The following LYN variants were observed in gnomAD, a reference collection of about 807,000 sequenced individuals.
The protein encoded by LYN is LYN proto-oncogene, Src family tyrosine kinase.
Under a neutral mutation model 65.0 loss-of-function variants are expected in LYN, and 12 were observed. The observed-to-expected ratio is 0.18, with a 90% CI of 0.12 to 0.30. The LOEUF is 0.30. Among genes scored for constraint, LYN ranks in the 10% least tolerant of loss-of-function variants. LYN has a pLI of 1.00. For missense variants in LYN, 380 were observed against 623.2 expected (o/e 0.61, Z 4.16); for synonymous variants, 222 against 221.2 (o/e 1.00, Z -0.03).
chr8:55,971,193 G>A (rs1224924001), intron 10 of LYN, among the ~76,000 whole-genome samples: 1 of 152,190 alleles, frequency 6.6e-6, no homozygotes, highest in African/African-American at 2.4e-5. Context: ...GGAACAGAGG[G>A]GCAAGGAAAG....
intron 10 of LYN, among the ~76,000 whole-genome samples, chr8:55,993,125 A>C (rs896159595): frequency 5.3e-5 from 8 of 152,100 alleles, no homozygotes; most frequent in African/African-American, 1.9e-4. Context: ...TTCTTTCCTC[A>C]TGTTTAATTT....
chr8:55,940,028 A>G (rs890957153), intron 1 of LYN, among the ~76,000 whole-genome samples: 3 of 152,182 alleles, frequency 2.0e-5, no homozygotes, highest in East Asian at 3.9e-4. Context: ...TCCTAGACCA[A>G]TTGGAAGCCT....
At chr8:55,882,508 T>G (rs1804678888) in intron 1 of LYN, among the ~76,000 whole-genome samples, 1 of 152,236 alleles carries the variant, frequency 6.6e-6, no homozygotes, top group African/African-American at 2.4e-5. Flanking sequence ...CATGTATACA[T>G]GCCCACAGCA....
At chr8:55,899,509 T>A (rs1272384362) in intron 1 of LYN, among the ~76,000 whole-genome samples, 2 of 152,350 alleles carry the variant, frequency 1.3e-5, no homozygotes, top group East Asian at 3.9e-4. Context: ...AAATGTATAA[T>A]AAATATAATG....
Position 55,896,594 on chromosome 8 carries a change from T to G in LYN, c.-6+16491T>G, listed in dbSNP as rs540457877. On this transcript the variant is annotated intron_variant, in intron 1 of 12. Coordinates refer to ENST00000519728, the MANE Select transcript of LYN (RefSeq NM_002350.4). ...GGGTACAGCAAACCACCATGGCTCA[T>G]GTATACCTATGTAACAAACCTGCAT... is the stretch of plus-strand genomic sequence containing the variant. Among the ~76,000 whole-genome samples the G allele has an allele frequency of 2.6e-4, 39 of 152,236 alleles. No homozygotes were observed. The East Asian group carries it at 4.4e-3, about 17-fold the overall frequency.
intron 1 of LYN, among the ~76,000 whole-genome samples, chr8:55,904,955 C>T (rs557699581): frequency 3.0e-4 from 46 of 152,236 alleles, no homozygotes; most frequent in African/African-American, 1.1e-3. Context: ...AGCATTTAAA[C>T]CTCCCCATGC....
intron 1 of LYN, among the ~76,000 whole-genome samples, chr8:55,890,994 GC>G (rs968620155): frequency 4.0e-5 from 6 of 151,678 alleles, no homozygotes; most frequent in Admixed American, 2.6e-4. Context: ...CTCCCAAAGT[GC>G]TGGGATTGCA....
intron 1 of LYN, among the ~76,000 whole-genome samples, chr8:55,940,683 T>C (rs1205080166): frequency 6.6e-6 from 1 of 152,332 alleles, no homozygotes; most frequent in African/African-American, 2.4e-5. Flanking sequence ...TGTTTTGTTT[T>C]TAATGCATAG....
chr8:55,986,192 C>CCA (rs1563324748), intron 10 of LYN, among the ~76,000 whole-genome samples: 18 of 150,578 alleles, frequency 1.2e-4, no homozygotes, highest in Non-Finnish European at 2.2e-4. Flanking sequence ...GAATCCCCCC[C>CCA]GCAAAAAAAA....
chr8:55,939,462 A>AAGAGAGAGAGAGAG (rs111951441), intron 1 of LYN, among the ~76,000 whole-genome samples: 1,547 of 148,284 alleles, frequency 0.01, 30 homozygotes, highest in African/African-American at 0.036. Context: ...TTCCCAAGAG[A>AAGAGAGAGAGAGAG]AGAGAGAGAG....
intron 8 of LYN, among the ~76,000 whole-genome samples, chr8:55,958,304 G>A (rs894694829): frequency 5.3e-5 from 8 of 152,166 alleles, no homozygotes; most frequent in African/African-American, 1.9e-4. Flanking sequence ...ATATATTCAG[G>A]TGGTGCCTAG....
At chr8:55,946,389 C>T (rs765297250) in intron 2 of LYN, 59 bp from the exon 3 acceptor site, 2 of 1,077,624 alleles carry the variant, frequency 1.9e-6, no homozygotes, top group Admixed American at 1.9e-5. Flanking sequence ...ATATACAACA[C>T]GAATGTGAGT....
intron 8 of LYN, among the ~76,000 whole-genome samples, chr8:55,963,701 T>C (rs893308101): frequency 6.6e-6 from 1 of 152,264 alleles, no homozygotes; most frequent in Non-Finnish European, 1.5e-5. Flanking sequence ...ATTACTCATA[T>C]GAATTTCTTC....
At position 55,964,180 on chromosome 8, in the gene LYN, T is replaced by A. The variant is rs954504426; in HGVS notation, c.791-2535T>A. Among the ~76,000 whole-genome samples the A allele has an allele frequency of 3.3e-5, 5 of 152,302 alleles. No individual in the cohort carries two copies. The South Asian group carries it at 1.0e-3, about 32-fold the overall frequency. Reference sequence around the variant, plus strand: ...TTGTCAGCTTTATGTTACTATCTTCTCCATATGTTCTAACACTTATCTTGT... The same window carrying A: ...TTGTCAGCTTTATGTTACTATCTTCACCATATGTTCTAACACTTATCTTGT... On this transcript the variant is annotated intron_variant, in intron 8 of 12. Coordinates refer to ENST00000519728, the MANE Select transcript of LYN (RefSeq NM_002350.4).
At chr8:55,972,902 G>A (rs1028945349) in intron 10 of LYN, among the ~76,000 whole-genome samples, 3 of 152,226 alleles carry the variant, frequency 2.0e-5, no homozygotes, top group Admixed American at 1.3e-4. Context: ...TTAGTAGGCT[G>A]TGCGATAATG....
At chr8:55,947,234 A>G (rs555072958) in intron 3 of LYN, among the ~76,000 whole-genome samples, 11 of 152,362 alleles carry the variant, frequency 7.2e-5, no homozygotes, top group African/African-American at 2.4e-4. Context: ...GGGCGACAAG[A>G]GCGAGACTCC....
intron 10 of LYN, among the ~76,000 whole-genome samples, chr8:55,974,462 C>G (rs1048760967): frequency 6.6e-6 from 1 of 152,162 alleles, no homozygotes; most frequent in Non-Finnish European, 1.5e-5. Flanking sequence ...AGGAAGTTCT[C>G]GACCTTTTTG....
intron 1 of LYN, among the ~76,000 whole-genome samples, chr8:55,887,571 T>TACACACACACACACAC (rs771404548): frequency 2.0e-5 from 1 of 50,352 alleles, no homozygotes; most frequent in African/African-American, 8.5e-5. Context: ...TATATATATA[T>TACACACACACACACAC]ATATACACAC....
intron 1 of LYN, among the ~76,000 whole-genome samples, chr8:55,906,271 G>T (rs771684052): frequency 6.6e-6 from 1 of 152,168 alleles, no homozygotes; most frequent in African/African-American, 2.4e-5. Flanking sequence ...GCTCATGCCT[G>T]TAATACCAGT....
Sources: gnomAD v4.1 joint callset for allele counts (sites outside exome capture counted in the v4.1 genomes callset) on GRCh38, gnomAD v4.1.1 for gene constraint, MANE v1.5 for transcripts, NCBI Gene and HGNC (gene_info 2026-07-23, HGNC 2026-07-21) for gene names.